FRK: variants seen among roughly 807,000 people sequenced by gnomAD.
FRK encodes fyn related Src family tyrosine kinase.
FRK carries 51 observed loss-of-function variants against 56.4 expected under a neutral mutation model. The ratio of observed to expected loss-of-function variants is 0.90; its 90% confidence interval spans 0.72 to 1.14. The LOEUF is 1.14. Among genes scored for constraint, FRK ranks in the 50% most tolerant of loss-of-function variants. The pLI is 0.00. For synonymous variants in FRK, 245 were observed against 217.9 expected, an observed-to-expected ratio of 1.12 and a Z score of -1.10; for missense variants, 570 against 601.4, an observed-to-expected ratio of 0.95 and a Z score of 0.55.
At chr6:115,990,126 T>A (rs1774540345) in intron 2 of FRK, among the ~76,000 whole-genome samples, 1 of 151,940 alleles carries the variant, frequency 6.6e-6, no homozygotes, top group Non-Finnish European at 1.5e-5. Context: ...TTAATGGAGT[T>A]GTTATTTTCT....
At chr6:116,093,685 TAGA>T in the FRK span, among the ~76,000 whole-genome samples, 1 of 152,180 alleles carries the variant, frequency 6.6e-6, no homozygotes. Context: ...ACCTGTGTTC[TAGA>T]AGGACTAAGG....
At chr6:115,977,867 T>A (rs1400599430) in intron 2 of FRK, among the ~76,000 whole-genome samples, 2 of 152,184 alleles carry the variant, frequency 1.3e-5, no homozygotes, top group African/African-American at 4.8e-5. Flanking sequence ...AGGTGTTCAG[T>A]ACAGTATGTC....
the FRK span, among the ~76,000 whole-genome samples, chr6:116,075,763 T>A: frequency 1.3e-5 from 2 of 152,246 alleles, no homozygotes; most frequent in East Asian, 3.9e-4. Flanking sequence ...TGTGTGACCT[T>A]GGCAAGTGGC....
intron 1 of FRK, among the ~76,000 whole-genome samples, chr6:116,043,274 ATAGATGTACAT>A (rs1776800201): frequency 6.6e-6 from 1 of 152,200 alleles, no homozygotes; most frequent in African/African-American, 2.4e-5. Flanking sequence ...CCCTGAATCA[ATAGATGTACAT>A]TCTTCTCAGC....
intron 2 of FRK, among the ~76,000 whole-genome samples, chr6:116,001,571 T>C (rs1282007313): frequency 6.6e-6 from 1 of 152,190 alleles, no homozygotes; most frequent in African/African-American, 2.4e-5. Flanking sequence ...CCTTGGCCAA[T>C]CATGACTCAG....
chr6:116,099,332 C>G, the FRK span, among the ~76,000 whole-genome samples: 1 of 152,198 alleles, frequency 6.6e-6, no homozygotes. Context: ...CCTAAAGCAC[C>G]TACTCCCACA....
chr6:116,058,128 TTAATA>T (rs945287664), intron 1 of FRK, among the ~76,000 whole-genome samples: 3 of 152,148 alleles, frequency 2.0e-5, no homozygotes, highest in African/African-American at 7.2e-5. Flanking sequence ...GCATGAAACA[TTAATA>T]TATTATTATT....
intron 1 of FRK, among the ~76,000 whole-genome samples, chr6:116,049,517 A>C (rs1398152530): frequency 1.3e-5 from 2 of 152,172 alleles, no homozygotes; most frequent in Non-Finnish European, 2.9e-5. Context: ...GCAATCAAAG[A>C]CTTTACAGCC....
At chr6:116,063,046 A>C (rs1296939829), upstream of FRK, among the ~76,000 whole-genome samples, 1 of 152,134 alleles carries the variant, frequency 6.6e-6, no homozygotes, top group Non-Finnish European at 1.5e-5. Flanking sequence ...AGTGGTGTTC[A>C]TAATAGTTTA....
Position 116,060,336 on chromosome 6 carries a change from G to T in FRK, c.-25C>A. The T allele has an allele frequency of 6.3e-7, 1 of 1,577,548 alleles. No homozygotes were observed. Among genetic ancestry groups the T allele is most frequent in the Non-Finnish European group, 8.7e-7 (1 of 1,152,976 alleles). On this transcript the variant is annotated 5_prime_UTR_variant, in exon 1 of 8. Transcript: ENST00000606080. The stretch of plus-strand genomic sequence containing the variant: ...TTGTGCCTTGGTGGGGAGAAGAGGA[G>T]CAGGGCTTCTCCCTCTCCCCTTAGT...
rs200539604 is a variant in FRK, at chr6:116,060,186, C to A, written c.126G>T (p.Arg42Ser). The A allele has an allele frequency of 2.6e-5, 42 of 1,614,148 alleles. No homozygotes were observed. In the Admixed American group the frequency reaches 3.5e-4, roughly 13 times the overall value. Residue 42 changes from arginine (R) to serine (S), a missense_variant, in exon 1 of 8, where the codon AGG (arginine) becomes AGT (serine). Coordinates refer to ENST00000606080, the MANE Select transcript of FRK (RefSeq NM_002031.3). ...PGALCSPQSQ[R>S]HGHYFVALFD... ...ACAAAGCCACAAAGTAGTGGCCATG[C>A]CTCTGTGACTGGGGAGAGCAAAGGG... is the stretch of plus-strand genomic sequence containing the variant.
intron 4 of FRK, among the ~76,000 whole-genome samples, chr6:115,956,987 C>A (rs1308202755): frequency 6.6e-6 from 1 of 152,148 alleles, no homozygotes; most frequent in Non-Finnish European, 1.5e-5. Context: ...ATTACTGCAA[C>A]CAGAGACTGA....
chr6:116,034,177 A>G (rs1776389871), intron 1 of FRK, among the ~76,000 whole-genome samples: 1 of 152,124 alleles, frequency 6.6e-6, no homozygotes. Flanking sequence ...ATAAGTTATA[A>G]TGTTTAATAG....
chr6:116,010,531 C>T (rs1431856108), intron 1 of FRK, among the ~76,000 whole-genome samples: 1 of 152,080 alleles, frequency 6.6e-6, no homozygotes, highest in Non-Finnish European at 1.5e-5. Flanking sequence ...TATGAATGAG[C>T]AGCGAAACAG....
the FRK span, among the ~76,000 whole-genome samples, chr6:116,067,263 T>C: frequency 2.6e-4 from 39 of 152,340 alleles, no homozygotes; most frequent in East Asian, 6.9e-3. Context: ...TTCAGACTTC[T>C]AGCCTTCAGA....
chr6:116,094,725 AGAC>A, the FRK span, among the ~76,000 whole-genome samples: 8 of 152,222 alleles, frequency 5.3e-5, no homozygotes, highest in Non-Finnish European at 1.2e-4. Context: ...AGACAGGGAA[AGAC>A]CAGCAGAAAG....
At chr6:115,999,812 C>T (rs9488824) in intron 2 of FRK, among the ~76,000 whole-genome samples, 3 of 152,204 alleles carry the variant, frequency 2.0e-5, no homozygotes, top group Admixed American at 1.3e-4. Flanking sequence ...CTTTTTCTTT[C>T]CTTTCCATTT....
At chr6:116,087,620 A>C in the FRK span, among the ~76,000 whole-genome samples, 3 of 152,272 alleles carry the variant, frequency 2.0e-5, no homozygotes, top group African/African-American at 7.2e-5. Context: ...TAGCCCACAG[A>C]TGGAACAGAA....
At chr6:115,958,454 C>A (rs1194013129) in intron 4 of FRK, among the ~76,000 whole-genome samples, 1 of 151,832 alleles carries the variant, frequency 6.6e-6, no homozygotes, top group Non-Finnish European at 1.5e-5. Flanking sequence ...ATGGTGAAAC[C>A]ATGTCTCTAC....
Sources: allele counts gnomAD v4.1 joint callset (sites outside exome capture counted in the v4.1 genomes callset), GRCh38; gene constraint gnomAD v4.1.1; transcripts MANE v1.5; gene names NCBI Gene and HGNC (gene_info 2026-07-23, HGNC 2026-07-21).